MITD1: variants seen among roughly 807,000 people sequenced by gnomAD.
The protein encoded by MITD1 is MIT domain-containing protein 1.
A neutral mutation model predicts 34.9 loss-of-function variants in MITD1; 24 were observed. That is an observed-to-expected ratio of 0.69 (90% confidence interval 0.50 to 0.97). The LOEUF (loss-of-function observed/expected upper bound fraction) is 0.97. MITD1 is among the 50% of genes least tolerant of loss of function. MITD1 has a pLI of 0.00. For missense variants in MITD1, 266 were observed against 294.6 expected (o/e 0.90, Z 0.71); for synonymous variants, 102 against 101.4 (o/e 1.01, Z -0.04).
rs753859939 is a variant in MITD1 at position 99,180,971 on chromosome 2, G to T, written c.11C>A (p.Ser4Tyr). ...GCTCTGCGGGTCCTGCCTCAGCCCG[G>T]ACTTCGCCATAATTCTGGAAGTTCT... MAK[S>Y]GLRQDPQSTA... The change falls in exon 1 of 7, where the codon TCC (serine) becomes TAC (tyrosine). Residue 4 changes from serine to tyrosine, a missense_variant. Transcript: ENST00000289359. The T allele has an allele frequency of 4.0e-5, 64 of 1,613,468 alleles. No homozygotes were observed. The highest frequency in any genetic ancestry group is 5.4e-5 in the Non-Finnish European group (64 of 1,179,646).
At chr2:99,178,550 G>A (rs961449210) in intron 1 of MITD1, among the ~76,000 whole-genome samples, 1 of 152,198 alleles carries the variant, frequency 6.6e-6, no homozygotes, top group Non-Finnish European at 1.5e-5. Context: ...ATTGAGGTAA[G>A]TGCTATTAAA....
downstream of MITD1, among the ~76,000 whole-genome samples, chr2:99,165,061 C>CACACAT (rs370053233): frequency 0.019 from 2,599 of 135,040 alleles, 29 homozygotes; most frequent in Non-Finnish European, 0.026. Flanking sequence ...CACACACACA[C>CACACAT]ATATATATAT....
At chr2:99,167,268 C>T (rs1213572943), downstream of MITD1, among the ~76,000 whole-genome samples, 1 of 152,174 alleles carries the variant, frequency 6.6e-6, no homozygotes, top group East Asian at 1.9e-4. Flanking sequence ...TTAGAGAGAA[C>T]TGACATTAAG....
At chr2:99,162,996 A>G (rs758515478) in intron 7 of MITD1, 5 of 1,613,098 alleles carry the variant, frequency 3.1e-6, no homozygotes, top group East Asian at 2.2e-5. Flanking sequence ...GCTAACAAAT[A>G]TATTACTTAG....
At chr2:99,165,061 C>CACACACACACAT (rs370053233), downstream of MITD1, among the ~76,000 whole-genome samples, 188 of 135,246 alleles carry the variant, frequency 1.4e-3, no homozygotes, top group African/African-American at 3.5e-3. Flanking sequence ...CACACACACA[C>CACACACACACAT]ATATATATAT....
chr2:99,166,595 T>G (rs972485309), downstream of MITD1, among the ~76,000 whole-genome samples: 10 of 151,400 alleles, frequency 6.6e-5, no homozygotes, highest in Non-Finnish European at 1.0e-4. Context: ...ATAGGAATGA[T>G]GCAGTACAGC....
downstream of MITD1, among the ~76,000 whole-genome samples, chr2:99,165,026 A>G (rs2093820374): frequency 1.6e-5 from 1 of 61,392 alleles, no homozygotes; most frequent in Admixed American, 2.8e-4. Flanking sequence ...GCATACACAC[A>G]CACACACACA....
intron 4 of MITD1, 168 bp from the exon 5 acceptor site, chr2:99,170,820 AATT>A (rs1559177490): frequency 2.4e-6 from 1 of 408,586 alleles, no homozygotes; most frequent in Non-Finnish European, 4.4e-6. Flanking sequence ...TTTAAAGAGC[AATT>A]ATTTTTATCA....
At chr2:99,173,474 G>A (rs904582777) in intron 2 of MITD1, 2 of 470,206 alleles carry the variant, frequency 4.3e-6, no homozygotes, top group African/African-American at 4.0e-5. Context: ...AACAAAATCT[G>A]AGAGAAATCC....
At position 99,169,627 on chromosome 2, in the gene MITD1, A is replaced by G. The variant is rs1418929662; in HGVS notation, c.594-17T>C. 6.4e-7 allele frequency: 1 copy of G among 1,559,288 alleles called. No homozygotes were observed. Among genetic ancestry groups the G allele is most frequent in the Non-Finnish European group, 8.8e-7 (1 of 1,130,566 alleles). ...TTGTTGAACCTGTTGAAATTAGTAT[A>G]TAGTATTATATTCAAGACATTTAAG... On this transcript the variant is annotated splice_polypyrimidine_tract_variant and intron_variant, in intron 5 of 6. Transcript: ENST00000289359.
Position 99,169,428 on chromosome 2 carries a change from A to C in MITD1, c.697T>G (p.Cys233Gly). The C allele has an allele frequency of 9.4e-7, 1 of 1,065,680 alleles. No homozygotes were observed. Among genetic ancestry groups the C allele is most frequent in the South Asian group, 1.2e-5 (1 of 80,098 alleles). The allele number at this position is 1,065,680 out of a possible 1,614,324, so 66.0% of individuals were successfully genotyped here. A position where few individuals can be genotyped will look rare whatever the true frequency, so the allele number is the denominator to read the frequency against. Residue 233 changes from cysteine to glycine, a missense_variant, in exon 7 of 7, where the codon TGT becomes GGT. Physicochemically the swap from Cys to Gly is radical, Grantham distance 159. Transcript: ENST00000289359. ...LGYCDFDLRP[C>G]HETTVDIFHK... Reference sequence around the variant, plus strand: ...AAAATGTCTACTGTTGTTTCATGACATGGTCTTAAATCAAAATCACAATAT... The same window carrying C: ...AAAATGTCTACTGTTGTTTCATGACCTGGTCTTAAATCAAAATCACAATAT...
chr2:99,172,968 A>AT (rs1478949506), intron 2 of MITD1: 3 of 152,272 alleles, frequency 2.0e-5, no homozygotes, highest in Non-Finnish European at 4.4e-5. Flanking sequence ...TCTGTTCCAA[A>AT]TATTTCCACA....
chr2:99,170,565 A>C lies in MITD1; in HGVS notation c.565T>G (p.Ser189Ala). 4 of 1,576,534 alleles carry C rather than the reference A, an allele frequency of 2.5e-6. No individual in the cohort carries two copies. The highest frequency in any genetic ancestry group is 3.5e-6 in the Non-Finnish European group (4 of 1,149,472). The change falls in exon 5 of 7, where the codon TCT becomes GCT. Residue 189 changes from serine (S) to alanine (A), a missense_variant. Transcript: ENST00000289359. ...SHGVLLEVQYSSSIHDREIRF... is the reference protein window; with the variant it reads ...SHGVLLEVQYASSIHDREIRF... The stretch of plus-strand genomic sequence containing the variant: ...ATTTCTCGGTCATGTATTGAAGAAG[A>C]GTATTGAACTTCCAACAGCACTCCG...
intron 2 of MITD1, chr2:99,172,317 G>A (rs1348094213): frequency 1.3e-5 from 2 of 151,860 alleles, no homozygotes; most frequent in Non-Finnish European, 2.9e-5. Flanking sequence ...GAACCCAGGT[G>A]GATGTTGCAG....
chr2:99,170,672 G>T lies in MITD1; in HGVS notation c.478-20C>A. On this transcript the variant is annotated intron_variant, in intron 4 of 6. Coordinates refer to ENST00000289359, the MANE Select transcript of MITD1 (RefSeq NM_138798.3). ...AATGCCCTGTTAATAGCAAAAATACGATTATCTGCCGCAGTTATTATTACT... is the reference window on the plus strand; with the variant it reads ...AATGCCCTGTTAATAGCAAAAATACTATTATCTGCCGCAGTTATTATTACT... The T allele has an allele frequency of 1.8e-6, 2 of 1,141,056 alleles. No homozygotes were observed. The highest frequency in any genetic ancestry group is 2.7e-6 in the Non-Finnish European group (2 of 753,952). 70.7% of individuals were successfully genotyped at this position (1,141,056 alleles called of 1,614,324 possible).
chr2:99,178,494 G>A (rs2093899071), intron 1 of MITD1, among the ~76,000 whole-genome samples: 1 of 152,206 alleles, frequency 6.6e-6, no homozygotes, highest in Non-Finnish European at 1.5e-5. Flanking sequence ...TATTGTTCAA[G>A]TAGGAAGAGA....
chr2:99,167,433 G>A (rs544591077), downstream of MITD1, among the ~76,000 whole-genome samples: 1 of 152,030 alleles, frequency 6.6e-6, no homozygotes, highest in Non-Finnish European at 1.5e-5. Context: ...ATTAGATCTG[G>A]GGATAGAACT....
At chr2:99,180,767 C>A in intron 1 of MITD1, 64 bp downstream of exon 1, 1 of 1,405,038 alleles carries the variant, frequency 7.1e-7, no homozygotes, top group South Asian at 1.2e-5. Flanking sequence ...TTTCACTTCA[C>A]CCCAGACACA....
chr2:99,169,610 C>G lies in MITD1; in HGVS notation c.594G>C (p.Arg198Ser). The G allele has an allele frequency of 6.3e-7, 1 of 1,599,346 alleles. No individual in the cohort carries two copies. The highest frequency in any genetic ancestry group is 8.6e-7 in the Non-Finnish European group (1 of 1,166,862). The change falls in exon 6 of 7, where the codon AGG (arginine) becomes AGC (serine). Residue 198 changes from arginine to serine, a missense_variant and splice_region_variant. Transcript: ENST00000289359. ...YSSSIHDREI[R>S]FNNGWMIKIG... The stretch of plus-strand genomic sequence containing the variant: ...TCTTAATCATCCATCCATTGTTGAA[C>G]CTGTTGAAATTAGTATATAGTATTA...
Sources: allele counts gnomAD v4.1 joint callset (sites outside exome capture counted in the v4.1 genomes callset), GRCh38; gene constraint gnomAD v4.1.1; transcripts MANE v1.5; gene names NCBI Gene and HGNC (gene_info 2026-07-23, HGNC 2026-07-21).